Variants in PLEKHA8 observed in about 807,000 individuals in gnomAD.
PLEKHA8 encodes the protein pleckstrin homology domain-containing family A member 8.
A neutral mutation model predicts 68.2 loss-of-function variants in PLEKHA8; 36 were observed. The ratio of observed to expected loss-of-function variants is 0.53; its 90% CI spans 0.40 to 0.70. The LOEUF (loss-of-function observed/expected upper bound fraction) is 0.70, where lower values mean the gene tolerates loss of function less well. Ranked by LOEUF, PLEKHA8 falls within the 30% of genes least tolerant of loss-of-function variation. The probability of loss-of-function intolerance (pLI) is 0.00; values close to 1 mark genes in which losing one functional copy is unlikely to be tolerated. For synonymous variants in PLEKHA8, 211 were observed against 216.1 expected (o/e 0.98, Z 0.20); for missense variants, 505 against 615.4 (o/e 0.82, Z 1.90).
intron 13 of PLEKHA8, among the ~76,000 whole-genome samples, chr7:30,110,371 T>C (rs1388326687): frequency 1.3e-5 from 2 of 152,256 alleles, no homozygotes; most frequent in Non-Finnish European, 2.9e-5. Context: ...TATTGCTGAA[T>C]AGTATTCCAT....
Position 30,060,968 on chromosome 7 carries a change from G to A in PLEKHA8, c.1098+26G>A, listed in dbSNP as rs748365725. 56 of 1,603,358 alleles carry A rather than the reference G, an allele frequency of 3.5e-5. No individual in the cohort carries two copies. In the South Asian group the frequency reaches 6.2e-4, roughly 18 times the overall value. ...GTGAGCATACTGGTTTGTCTCTGTG[G>A]AAACTTTTAAATAAAGGAAAATGTT... is the stretch of plus-strand genomic sequence containing the variant. On this transcript the variant is annotated intron_variant, in intron 10 of 13. Coordinates refer to ENST00000449726, the MANE Select transcript of PLEKHA8 (RefSeq NM_001197026.2).
In PLEKHA8 at chr7:30,061,072, T is replaced by G; in HGVS notation, c.1098+130T>G. 3.7e-6 allele frequency: 3 copies of G among 806,346 alleles called. No individual in the cohort carries two copies. In the Admixed American group the frequency reaches 7.2e-5, roughly 19 times the overall value. The allele number at this position is 806,346 out of a possible 1,614,324, so 49.9% of individuals were successfully genotyped here. A position where few individuals can be genotyped will look rare whatever the true frequency, so the allele number is the denominator to read the frequency against. On this transcript the variant is annotated intron_variant, in intron 10 of 13. Coordinates refer to ENST00000449726, the MANE Select transcript of PLEKHA8 (RefSeq NM_001197026.2). Reference sequence around the variant, plus strand: ...TGTTCTTTTAAGAGAGCAAGCATCTTTCTTCTCACACTGTGAATGCTCAGT... The same window carrying G: ...TGTTCTTTTAAGAGAGCAAGCATCTGTCTTCTCACACTGTGAATGCTCAGT...
chr7:30,036,985 A>C (rs28696303), intron 1 of PLEKHA8, among the ~76,000 whole-genome samples: 9,416 of 152,220 alleles, frequency 0.062, 394 homozygotes, highest in Middle Eastern at 0.078. Flanking sequence ...TGCTGTCCGC[A>C]TCCCTGTCTG....
intron 12 of PLEKHA8, chr7:30,069,917 TTA>T (rs1303701711): frequency 6.6e-6 from 1 of 152,190 alleles, no homozygotes; most frequent in Non-Finnish European, 1.5e-5. Flanking sequence ...AGGGTATCAT[TTA>T]TGTCTTTCAG....
At chr7:30,120,362 A>C (rs1796678598) in intron 13 of PLEKHA8, among the ~76,000 whole-genome samples, 1 of 152,218 alleles carries the variant, frequency 6.6e-6, no homozygotes. Context: ...AGCGGAAGTG[A>C]GGTACAGAAA....
chr7:30,028,868 G>C, intron 1 of PLEKHA8, 66 bp downstream of exon 1: 3 of 1,241,940 alleles, frequency 2.4e-6, no homozygotes, highest in Non-Finnish European at 1.0e-6. Flanking sequence ...GCTGGAGGGC[G>C]GTGTCTGGAC....
chr7:30,052,015 A>T (rs373491354), intron 6 of PLEKHA8, among the ~76,000 whole-genome samples: 54 of 152,246 alleles, frequency 3.5e-4, no homozygotes, highest in African/African-American at 1.3e-3. Context: ...GGCCGGGCAA[A>T]CACAGAGAAA....
intron 1 of PLEKHA8, among the ~76,000 whole-genome samples, chr7:30,039,401 A>G (rs1026936685): frequency 5.9e-5 from 9 of 152,030 alleles, no homozygotes; most frequent in Admixed American, 4.6e-4. Context: ...TGTAATCCCC[A>G]CTACTCAGGA....
At chr7:30,125,394 A>G (rs1293959979) in intron 13 of PLEKHA8, among the ~76,000 whole-genome samples, 1 of 152,220 alleles carries the variant, frequency 6.6e-6, no homozygotes, top group African/African-American at 2.4e-5. Context: ...TTTTTTATTT[A>G]CAATGAGTTT....
At chr7:30,035,804 C>T (rs1265999479) in intron 1 of PLEKHA8, among the ~76,000 whole-genome samples, 7 of 151,778 alleles carry the variant, frequency 4.6e-5, no homozygotes, top group East Asian at 2.0e-4. Flanking sequence ...CCACCAAGCC[C>T]GGCTGATTTT....
At position 30,080,091 on chromosome 7, in the gene PLEKHA8, A is replaced by C; in HGVS notation, c.*1304A>C. 1 of 985,412 alleles carries C rather than the reference A, an allele frequency of 1.0e-6. No individual in the cohort carries two copies. Among genetic ancestry groups the C allele is most frequent in the Non-Finnish European group, 1.2e-6 (1 of 829,918 alleles). 61.0% of individuals were successfully genotyped at this position (985,412 alleles called of 1,614,324 possible). ...ACCAATCAATCTCGGTTTAATCACCAAAAGTGCAGAGCAGGCAAAATGCAG... is the reference window on the plus strand; with the variant it reads ...ACCAATCAATCTCGGTTTAATCACCCAAAGTGCAGAGCAGGCAAAATGCAG... On this transcript the variant is annotated 3_prime_UTR_variant, in exon 14 of 14. Coordinates refer to ENST00000449726, the MANE Select transcript of PLEKHA8 (RefSeq NM_001197026.2).
At chr7:30,091,821 A>C (rs1319374583), downstream of PLEKHA8, among the ~76,000 whole-genome samples, 1 of 152,252 alleles carries the variant, frequency 6.6e-6, no homozygotes, top group East Asian at 1.9e-4. Context: ...TTTGGAAATG[A>C]AATGTCAATC....
intron 13 of PLEKHA8, among the ~76,000 whole-genome samples, chr7:30,120,156 T>TAAAAAAAAAAAA (rs377419534): frequency 3.9e-5 from 4 of 101,810 alleles, no homozygotes; most frequent in East Asian, 2.6e-4. Flanking sequence ...TACAAATAAT[T>TAAAAAAAAAAAA]AAAAAAAAAA....
chr7:30,116,075 TATACATACGC>T (rs1280461049), intron 13 of PLEKHA8: 5 of 143,524 alleles, frequency 3.5e-5, no homozygotes, highest in South Asian at 2.2e-4. Flanking sequence ...CGTATACATG[TATACATACGC>T]ATACATACGT....
chr7:30,072,403 G>A (rs1794295950), intron 12 of PLEKHA8, among the ~76,000 whole-genome samples: 1 of 152,160 alleles, frequency 6.6e-6, no homozygotes, highest in Admixed American at 6.5e-5. Flanking sequence ...AATTGAAATA[G>A]GATATTCTAA....
chr7:30,039,793 C>T (rs1404436645), intron 1 of PLEKHA8, among the ~76,000 whole-genome samples: 1 of 151,920 alleles, frequency 6.6e-6, no homozygotes, highest in East Asian at 1.9e-4. Flanking sequence ...TCTTTCTTTC[C>T]AATCTAGATG....
At chr7:30,122,950 G>C (rs1796717485) in intron 13 of PLEKHA8, among the ~76,000 whole-genome samples, 1 of 152,170 alleles carries the variant, frequency 6.6e-6, no homozygotes, top group Non-Finnish European at 1.5e-5. Flanking sequence ...CTGGTTCTCA[G>C]CTATCATGAA....
At chr7:30,119,247 T>C (rs754531081) in intron 13 of PLEKHA8, among the ~76,000 whole-genome samples, 6 of 152,226 alleles carry the variant, frequency 3.9e-5, no homozygotes, top group Admixed American at 6.5e-5. Flanking sequence ...GCAAAGGGAA[T>C]TAACATGTAT....
chr7:30,068,466 A>G (rs1794017585), intron 12 of PLEKHA8, among the ~76,000 whole-genome samples: 1 of 152,104 alleles, frequency 6.6e-6, no homozygotes, highest in South Asian at 2.1e-4. Context: ...CTTAGATTAC[A>G]AGTAAGGTTG....
Sources: gnomAD v4.1 joint callset for allele counts (sites outside exome capture counted in the v4.1 genomes callset) on GRCh38, gnomAD v4.1.1 for gene constraint, MANE v1.5 for transcripts, NCBI Gene and HGNC (gene_info 2026-07-23, HGNC 2026-07-21) for gene names.